The following CLSTN1 variants were observed in gnomAD, a reference collection of about 807,000 sequenced individuals.
CLSTN1 encodes the protein calsyntenin 1.
Under a neutral mutation model 108.3 loss-of-function variants are expected in CLSTN1, and 28 were observed. That is an observed-to-expected ratio of 0.26 (90% CI 0.19 to 0.35). CLSTN1 has a LOEUF of 0.35. Among genes scored for constraint, CLSTN1 ranks in the 10% least tolerant of loss-of-function variants. The pLI is 1.00. For missense variants in CLSTN1, 1,157 were observed against 1,302.6 expected (o/e 0.89, Z 1.72); for synonymous variants, 524 against 534.9 (o/e 0.98, Z 0.28).
At chr1:9,808,949 A>C (rs1042463292) in intron 1 of CLSTN1, among the ~76,000 whole-genome samples, 1 of 151,938 alleles carries the variant, frequency 6.6e-6, no homozygotes, top group African/African-American at 2.4e-5. Flanking sequence ...AACTTCAGGA[A>C]ACCCTTTTCC....
At chr1:9,764,536 C>A (rs1652232147) in intron 2 of CLSTN1, among the ~76,000 whole-genome samples, 1 of 148,628 alleles carries the variant, frequency 6.7e-6, no homozygotes, top group Non-Finnish European at 1.5e-5. Flanking sequence ...ACTCGGAAGG[C>A]TGAGGTGGGA....
chr1:9,754,786 C>T (rs570506783), intron 4 of CLSTN1, among the ~76,000 whole-genome samples: 20 of 152,178 alleles, frequency 1.3e-4, no homozygotes, highest in African/African-American at 3.1e-4. Context: ...ACCCAGGAGG[C>T]GGAGGTTGCG....
intron 10 of CLSTN1, 89 bp downstream of exon 10, chr1:9,741,005 T>G: frequency 1.4e-6 from 2 of 1,410,366 alleles, no homozygotes; most frequent in Admixed American, 3.7e-5. Flanking sequence ...GGTAAGGCTG[T>G]AGGATACCGA....
chr1:9,744,479 C>T lies in CLSTN1; in HGVS notation c.1150G>A (p.Glu384Lys), dbSNP rs778895511. ...PDGVVSVSPK[E>K]PFTISVWMRH... The stretch of plus-strand genomic sequence containing the variant: ...ATCCACACCGAGATGGTGAACGGCT[C>T]TTTGGGGCTGACCGACACGACGCCA... The change falls in exon 8 of 19, where the codon GAG becomes AAG. Residue 384 changes from glutamate to lysine, a missense_variant. Transcript: ENST00000377298. The T allele has an allele frequency of 8.1e-6, 13 of 1,611,762 alleles. No individual in the cohort carries two copies. The highest frequency in any genetic ancestry group is 1.7e-5 in the Admixed American group (1 of 59,998).
chr1:9,791,761 T>C (rs1404117450), intron 1 of CLSTN1, among the ~76,000 whole-genome samples: 2 of 150,986 alleles, frequency 1.3e-5, no homozygotes, highest in African/African-American at 2.4e-5. Context: ...CTTGAACTCC[T>C]GACCTTAAGT....
At chr1:9,756,337 T>C in intron 3 of CLSTN1, 144 bp downstream of exon 3, 2 of 658,210 alleles carry the variant, frequency 3.0e-6, no homozygotes, top group Non-Finnish European at 2.6e-6. Context: ...TCCATCAATA[T>C]ACTTTAAAAT....
At chr1:9,813,197 A>G (rs1387035493) in intron 1 of CLSTN1, among the ~76,000 whole-genome samples, 3 of 151,760 alleles carry the variant, frequency 2.0e-5, no homozygotes, top group South Asian at 2.1e-4. Flanking sequence ...TGCCATCTTG[A>G]TATTTTTTAT....
In CLSTN1 at chr1:9,744,775, G is replaced by A. The variant is rs186307741; in HGVS notation, c.986-132C>T. On this transcript the variant is annotated intron_variant, in intron 7 of 18. Transcript: ENST00000377298. ...AGTTTACTTTTTTTTTTTCTTTCGA[G>A]ACAGAGTCTTGCTTTGTCCCCAGGC... 963 of 1,137,178 alleles carry A rather than the reference G, an allele frequency of 8.5e-4. 5 individuals carry two copies. The African/African-American group carries it at 0.011, about 13-fold the overall frequency. The allele number at this position is 1,137,178 out of a possible 1,614,324, so 70.4% of individuals were successfully genotyped here.
intron 2 of CLSTN1, among the ~76,000 whole-genome samples, chr1:9,762,385 C>G (rs1285029329): frequency 6.6e-6 from 1 of 151,598 alleles, no homozygotes; most frequent in African/African-American, 2.4e-5. Flanking sequence ...CGCTTGAACC[C>G]GGGAGGCAGA....
intron 1 of CLSTN1, among the ~76,000 whole-genome samples, chr1:9,804,530 C>T (rs1654424035): frequency 6.6e-6 from 1 of 151,992 alleles, no homozygotes; most frequent in Admixed American, 6.6e-5. Flanking sequence ...ATAATGAACT[C>T]CACCCAGCTT....
intron 1 of CLSTN1, among the ~76,000 whole-genome samples, chr1:9,816,912 G>A (rs1239071890): frequency 6.6e-6 from 1 of 152,238 alleles, no homozygotes; most frequent in Non-Finnish European, 1.5e-5. Context: ...CTCCCGAAGT[G>A]CTAGGATTAC....
At chr1:9,803,763 C>G (rs1654386065) in intron 1 of CLSTN1, among the ~76,000 whole-genome samples, 1 of 152,062 alleles carries the variant, frequency 6.6e-6, no homozygotes, top group Non-Finnish European at 1.5e-5. Context: ...GATCACACCA[C>G]TGCACTCCAG....
chr1:9,823,538 CCTA>C lies in CLSTN1; in HGVS notation c.91+102_91+104del, dbSNP rs1655274632. ...CCCGGCTCGAATCCCGGCATCCGGC[CCTA>C]CTCCCGCACCCGGACCCGAATCCCC... On this transcript the variant is annotated intron_variant, in intron 1 of 18. Coordinates refer to ENST00000377298, the MANE Select transcript of CLSTN1 (RefSeq NM_001009566.3). The surrounding 1 kb of genome is among the most constrained non-coding windows in gnomAD (Gnocchi z 6.3). 2 of 666,882 alleles carry C rather than the reference CCTA, an allele frequency of 3.0e-6. No individual in the cohort carries two copies. Among genetic ancestry groups the C allele is most frequent in the Middle Eastern group, 6.3e-4 (2 of 3,156 alleles). The allele number at this position is 666,882 out of a possible 1,614,324, so 41.3% of individuals were successfully genotyped here.
chr1:9,744,261 A>C, intron 8 of CLSTN1, 134 bp downstream of exon 8: 1 of 1,333,736 alleles, frequency 7.5e-7, no homozygotes, highest in Non-Finnish European at 1.0e-6. Context: ...CAAGTGCCCC[A>C]GGCACACAGC....
rs1650351288 is a variant in CLSTN1 at position 9,730,988 on chromosome 1, A to C, written c.2748+218T>G. 2 of 640,408 alleles carry C rather than the reference A, an allele frequency of 3.1e-6. No homozygotes were observed. Among genetic ancestry groups the C allele is most frequent in the East Asian group, 5.5e-5 (2 of 36,528 alleles). The allele number at this position is 640,408 out of a possible 1,614,324, so 39.7% of individuals were successfully genotyped here. A position where few individuals can be genotyped will look rare whatever the true frequency, so the allele number is the denominator to read the frequency against. On this transcript the variant is annotated intron_variant, in intron 18 of 18. Transcript: ENST00000377298. This position sits in a 1 kb window ranked among gnomAD's most constrained non-coding sequence, Gnocchi z 5.6. ...GGATTACCATGACCCAAGAGCGCCAAGCCCTGGCATGGCTCTTCTCTACAC... is the reference window on the plus strand; with the variant it reads ...GGATTACCATGACCCAAGAGCGCCACGCCCTGGCATGGCTCTTCTCTACAC...
At chr1:9,778,459 C>T (rs1653064742) in intron 1 of CLSTN1, among the ~76,000 whole-genome samples, 1 of 152,082 alleles carries the variant, frequency 6.6e-6, no homozygotes, top group African/African-American at 2.4e-5. Context: ...TCAAAAGATA[C>T]TGCGAAGGTG....
chr1:9,749,854 C>T lies in CLSTN1; in HGVS notation c.709G>A (p.Val237Ile), dbSNP rs778535987. The T allele has an allele frequency of 1.7e-5, 28 of 1,613,810 alleles. No homozygotes were observed. Among genetic ancestry groups the T allele is most frequent in the East Asian group, 4.5e-5 (2 of 44,886 alleles). Residue 237 changes from valine (V) to isoleucine (I), a missense_variant, in exon 6 of 19, where the codon GTC becomes ATC. Coordinates refer to ENST00000377298, the MANE Select transcript of CLSTN1 (RefSeq NM_001009566.3). ...TTCTTCCCACAGTCATAGGCAGTGACGGTCAGCTTATATTGATGTTCTTTC... is the reference window on the plus strand; with the variant it reads ...TTCTTCCCACAGTCATAGGCAGTGATGGTCAGCTTATATTGATGTTCTTTC... Reference protein sequence around the residue: ...YGKEHQYKLTVTAYDCGKKRA... With the variant: ...YGKEHQYKLTITAYDCGKKRA...
At chr1:9,763,046 C>T (rs923691111) in intron 2 of CLSTN1, among the ~76,000 whole-genome samples, 2 of 152,110 alleles carry the variant, frequency 1.3e-5, no homozygotes, top group African/African-American at 4.8e-5. Context: ...ACAGCATCCT[C>T]CACCTCCTGC....
rs560870976 is a variant in CLSTN1, at chr1:9,735,080, C to T, written c.1978G>A (p.Val660Ile). The stretch of plus-strand genomic sequence containing the variant: ...GAAGCTGCTCGGGCAAAATGGTGGA[C>T]GCCACTCAGGCTGATCTTGGGCTCC... ...PEEPKISLSGVHHFARAASEF... is the reference protein window; with the variant it reads ...PEEPKISLSGIHHFARAASEF... The change falls in exon 14 of 19, where the codon GTC (valine) becomes ATC (isoleucine). Residue 660 changes from valine (V) to isoleucine (I), a missense_variant. Transcript: ENST00000377298. The T allele has an allele frequency of 2.1e-5, 34 of 1,614,204 alleles. No homozygotes were observed. Among genetic ancestry groups the T allele is most frequent in the Middle Eastern group, 3.3e-4 (2 of 6,062 alleles).
Sources: gnomAD v4.1 joint callset for allele counts (sites outside exome capture counted in the v4.1 genomes callset) on GRCh38, gnomAD v4.1.1 for gene constraint, Gnocchi (gnomAD v3.1) non-coding constraint, MANE v1.5 for transcripts, NCBI Gene and HGNC (gene_info 2026-07-23, HGNC 2026-07-21) for gene names.